Variants in RBPJ observed in about 807,000 individuals in gnomAD.
RBPJ encodes the protein recombining binding protein suppressor of hairless.
Under a neutral mutation model 67.8 loss-of-function variants are expected in RBPJ, and 9 were observed. The observed-to-expected ratio is 0.13, with a 90% CI of 0.08 to 0.23. The LOEUF is 0.23. Among genes scored for constraint, RBPJ ranks in the 10% least tolerant of loss-of-function variants. The pLI is 1.00. For synonymous variants in RBPJ, 198 were observed against 203.3 expected, an observed-to-expected ratio of 0.97 and a Z score of 0.22; for missense variants, 305 against 595.6, an observed-to-expected ratio of 0.51 and a Z score of 5.08.
chr4:26,176,947 G>C (rs942369457), intron 1 of RBPJ, among the ~76,000 whole-genome samples: 1 of 152,188 alleles, frequency 6.6e-6, no homozygotes, highest in Admixed American at 6.5e-5. Context: ...CATAGGGTGA[G>C]GGAAGGAGTG....
At chr4:26,125,175 T>G in the RBPJ span, among the ~76,000 whole-genome samples, 1 of 152,248 alleles carries the variant, frequency 6.6e-6, no homozygotes, top group Non-Finnish European at 1.5e-5. Context: ...CTTAGTCATC[T>G]GGCCACACCT....
chr4:26,121,552 C>T, the RBPJ span, among the ~76,000 whole-genome samples: 1 of 152,094 alleles, frequency 6.6e-6, no homozygotes, highest in African/African-American at 2.4e-5. Context: ...TATTTCCACC[C>T]TTTGTCCACT....
the RBPJ span, among the ~76,000 whole-genome samples, chr4:26,133,413 AAAAC>A: frequency 6.6e-6 from 1 of 152,162 alleles, no homozygotes; most frequent in African/African-American, 2.4e-5. Context: ...TCTCTACTAA[AAAAC>A]AAACAAACAA....
chr4:26,374,183 A>C (rs1577552942), intron 1 of RBPJ, among the ~76,000 whole-genome samples: 1 of 151,422 alleles, frequency 6.6e-6, no homozygotes, highest in Admixed American at 6.6e-5. Context: ...CAGGTGATCC[A>C]CTCGCCTCGG....
rs1294819825 is a variant in RBPJ, at chr4:26,430,225, G to A, written c.1044+172G>A. ...AAAAAAAAACAAAATTAGGAGGAGC[G>A]TACTTGCCAGAAAATTTAAATGTAA... On this transcript the variant is annotated intron_variant, in intron 9 of 10. Coordinates refer to ENST00000355476, the MANE Select transcript of RBPJ (RefSeq NM_015874.6). The surrounding 1 kb of genome is among the most constrained non-coding windows in gnomAD (Gnocchi z 4.1). 16 of 865,694 alleles carry A rather than the reference G, an allele frequency of 1.8e-5. No individual in the cohort carries two copies. Among genetic ancestry groups the A allele is most frequent in the Non-Finnish European group, 2.7e-5 (15 of 558,072 alleles). 53.6% of individuals were successfully genotyped at this position (865,694 alleles called of 1,614,324 possible).
the RBPJ span, among the ~76,000 whole-genome samples, chr4:26,150,460 C>T: frequency 6.6e-6 from 1 of 152,222 alleles, no homozygotes; most frequent in Admixed American, 6.5e-5. Context: ...ATCTACTTAA[C>T]AAACACTTGT....
At chr4:26,217,559 T>G (rs2109185897) in intron 1 of RBPJ, among the ~76,000 whole-genome samples, 1 of 152,264 alleles carries the variant, frequency 6.6e-6, no homozygotes, top group Middle Eastern at 3.4e-3. Context: ...CCCAGCAACT[T>G]GGAAGGTCAT....
At chr4:26,194,071 C>T (rs1222176228) in intron 1 of RBPJ, among the ~76,000 whole-genome samples, 1 of 152,230 alleles carries the variant, frequency 6.6e-6, no homozygotes, top group African/African-American at 2.4e-5. Context: ...ATCCCAGTGT[C>T]ACCTGCAAAG....
intron 1 of RBPJ, among the ~76,000 whole-genome samples, chr4:26,305,759 GAA>G (rs1722211763): frequency 9.0e-6 from 1 of 111,648 alleles, no homozygotes; most frequent in Non-Finnish European, 1.8e-5. Flanking sequence ...GGAGTTCTTA[GAA>G]TTTTCTTTTC....
intron 1 of RBPJ, among the ~76,000 whole-genome samples, chr4:26,334,026 A>T (rs1724532665): frequency 6.6e-6 from 1 of 151,500 alleles, no homozygotes; most frequent in Non-Finnish European, 1.5e-5. Flanking sequence ...TCTATCAGTT[A>T]ATCCAACTTT....
intron 1 of RBPJ, among the ~76,000 whole-genome samples, chr4:26,373,882 T>G (rs1034524746): frequency 6.6e-6 from 1 of 151,926 alleles, no homozygotes; most frequent in African/African-American, 2.4e-5. Context: ...TCTTTAGATT[T>G]CCTGAATTTT....
intron 1 of RBPJ, among the ~76,000 whole-genome samples, chr4:26,177,852 T>C (rs1182411879): frequency 1.3e-5 from 2 of 152,236 alleles, no homozygotes; most frequent in Non-Finnish European, 2.9e-5. Context: ...AATTGTAGTA[T>C]ATTTTCTAAG....
the RBPJ span, among the ~76,000 whole-genome samples, chr4:26,121,163 C>T: frequency 3.3e-5 from 5 of 152,130 alleles, no homozygotes; most frequent in Admixed American, 3.3e-4. Flanking sequence ...TCCAAGCACT[C>T]ACCTGATGCA....
At chr4:26,166,674 C>T (rs9995866) in intron 1 of RBPJ, among the ~76,000 whole-genome samples, 85,271 of 151,356 alleles carry the variant, frequency 0.56, 24,558 homozygotes, top group African/African-American at 0.67. Context: ...AGGTTGCCTG[C>T]TCACTCTGAT....
chr4:26,290,886 A>C (rs1721646184), intron 1 of RBPJ, among the ~76,000 whole-genome samples: 1 of 151,010 alleles, frequency 6.6e-6, no homozygotes, highest in African/African-American at 2.4e-5. Flanking sequence ...ATAAAGATTA[A>C]TAGCCTTTAT....
the RBPJ span, among the ~76,000 whole-genome samples, chr4:26,137,195 G>T: frequency 4.9e-4 from 75 of 152,268 alleles, no homozygotes; most frequent in African/African-American, 1.8e-3. Context: ...GAAGGCACAG[G>T]CTTTGGAAGT....
At chr4:26,358,610 CAAAAA>C (rs771623602) in intron 1 of RBPJ, among the ~76,000 whole-genome samples, 50 of 43,126 alleles carry the variant, frequency 1.2e-3, no homozygotes, top group Admixed American at 8.9e-3. Context: ...CCCATCTCTG[CAAAAA>C]AAAAAAAAAA....
intron 1 of RBPJ, among the ~76,000 whole-genome samples, chr4:26,232,035 G>C (rs1719307017): frequency 6.6e-6 from 1 of 151,418 alleles, no homozygotes; most frequent in South Asian, 2.1e-4. Flanking sequence ...GGGACTACAG[G>C]CATGCATCAC....
chr4:26,242,211 C>G (rs1239079564), intron 1 of RBPJ, among the ~76,000 whole-genome samples: 1 of 151,898 alleles, frequency 6.6e-6, no homozygotes, highest in African/African-American at 2.4e-5. Flanking sequence ...ACTATGGGAG[C>G]CCGAGGCGGG....
Sources: allele counts gnomAD v4.1 joint callset (sites outside exome capture counted in the v4.1 genomes callset), GRCh38; gene constraint gnomAD v4.1.1; non-coding constraint Gnocchi (gnomAD v3.1); transcripts MANE v1.5; gene names NCBI Gene and HGNC (gene_info 2026-07-23, HGNC 2026-07-21).